Variants in MTUS2 observed in about 807,000 individuals in gnomAD.
The protein encoded by MTUS2 is microtubule-associated tumor suppressor candidate 2.
In MTUS2, 40 loss-of-function variants were observed where a neutral mutation model predicts 114.1. The observed-to-expected ratio is 0.35, with a 90% CI of 0.27 to 0.46. MTUS2 has a LOEUF of 0.46. MTUS2 is among the 20% of genes least tolerant of loss of function. The probability of loss-of-function intolerance (pLI) is 1.00; values close to 1 mark genes in which losing one functional copy is unlikely to be tolerated. For missense variants in MTUS2, 1,679 were observed against 1,705.4 expected (o/e 0.98, Z 0.27); for synonymous variants, 688 against 672.0 (o/e 1.02, Z -0.37).
chr13:29,001,086 AT>A (rs1353603117), intron 2 of MTUS2, among the ~76,000 whole-genome samples: 1 of 152,162 alleles, frequency 6.6e-6, no homozygotes, highest in Admixed American at 6.5e-5. Context: ...CACAGTCATT[AT>A]TCAGGCCACA....
At chr13:29,328,392 A>C (rs1900618889) in intron 7 of MTUS2, among the ~76,000 whole-genome samples, 1 of 152,252 alleles carries the variant, frequency 6.6e-6, no homozygotes, top group Non-Finnish European at 1.5e-5. Flanking sequence ...ATCATAAATC[A>C]ATATGAGGAA....
At chr13:29,067,539 G>A (rs1888718231) in intron 4 of MTUS2, among the ~76,000 whole-genome samples, 3 of 152,202 alleles carry the variant, frequency 2.0e-5, no homozygotes, top group Admixed American at 1.3e-4. Context: ...GGGAGTGGAA[G>A]TCACATATTA....
At chr13:29,184,672 TG>T (rs1361581977) in intron 5 of MTUS2, among the ~76,000 whole-genome samples, 1 of 152,150 alleles carries the variant, frequency 6.6e-6, no homozygotes, top group East Asian at 1.9e-4. Context: ...GTAAGCTAAT[TG>T]GGCACAGACG....
chr13:29,297,243 A>G (rs889372825), intron 6 of MTUS2, among the ~76,000 whole-genome samples: 4 of 152,184 alleles, frequency 2.6e-5, no homozygotes, highest in Admixed American at 6.5e-5. Flanking sequence ...TCTTACATGT[A>G]ATATTCTGTT....
chr13:28,944,205 ATCTTT>A (rs1244460614), intron 2 of MTUS2, among the ~76,000 whole-genome samples: 2 of 152,112 alleles, frequency 1.3e-5, no homozygotes, highest in East Asian at 3.8e-4. Context: ...TTAAATATTT[ATCTTT>A]TCTTTATGCT....
In MTUS2 at chr13:29,025,287, C is replaced by A; in HGVS notation, c.589C>A (p.Pro197Thr). 3 of 1,613,994 alleles carry A rather than the reference C, an allele frequency of 1.9e-6. No homozygotes were observed. The South Asian group carries it at 3.3e-5, about 18-fold the overall frequency. ...GAGCCTGACTCCGCAGCATCCACAGCCTCTATCCCTCGACTCCCGGGAAGC... is the reference window on the plus strand; with the variant it reads ...GAGCCTGACTCCGCAGCATCCACAGACTCTATCCCTCGACTCCCGGGAAGC... ...VGSLTPQHPQPLSLDSREARG... is the reference protein window; with the variant it reads ...VGSLTPQHPQTLSLDSREARG... The change falls in exon 3 of 16, where the codon CCT (proline) becomes ACT (threonine). Residue 197 changes from proline (P) to threonine (T), a missense_variant. By Grantham distance (38) the Pro-to-Thr change is conservative. Around this residue, in one of 3 missense-constraint regions of MTUS2, gnomAD observed 843 missense variants for 770.8 expected, o/e 1.09. Coordinates refer to ENST00000612955, the MANE Select transcript of MTUS2 (RefSeq NM_001033602.4).
intron 8 of MTUS2, among the ~76,000 whole-genome samples, chr13:29,375,527 A>AT (rs374435751): frequency 0.024 from 129 of 5,446 alleles, 7 homozygotes; most frequent in Middle Eastern, 0.12. Context: ...ATATATATAT[A>AT]TATATATATA....
At chr13:29,389,439 A>ATGTATGTATACACGTGTG in intron 8 of MTUS2, among the ~76,000 whole-genome samples, 1 of 79,438 alleles carries the variant, frequency 1.3e-5, no homozygotes, top group South Asian at 4.7e-4. Context: ...ACGTGTGTGT[A>ATGTATGTATACACGTGTG]TGTGTATGTA....
chr13:28,999,989 A>G (rs1159836670), intron 2 of MTUS2, among the ~76,000 whole-genome samples: 2 of 152,210 alleles, frequency 1.3e-5, no homozygotes, highest in South Asian at 2.1e-4. Context: ...TCCATTGTGT[A>G]TATCTACCAC....
intron 8 of MTUS2, among the ~76,000 whole-genome samples, chr13:29,373,691 C>T (rs1334810986): frequency 6.6e-6 from 1 of 152,220 alleles, no homozygotes; most frequent in Non-Finnish European, 1.5e-5. Flanking sequence ...GGAAGCACAA[C>T]TTACAGAAGG....
chr13:29,130,352 C>T (rs368459904), intron 5 of MTUS2, among the ~76,000 whole-genome samples: 19 of 152,100 alleles, frequency 1.2e-4, no homozygotes, highest in African/African-American at 4.3e-4. Context: ...TCACTCTGCT[C>T]AAGCCACTCC....
At position 29,496,582 on chromosome 13, in the gene MTUS2, G is replaced by C. The variant is rs936893553; in HGVS notation, c.3580-656G>C. 1 of 152,900 alleles carries C rather than the reference G, an allele frequency of 6.5e-6. No individual in the cohort carries two copies. Among genetic ancestry groups the C allele is most frequent in the Non-Finnish European group, 1.5e-5 (1 of 68,442 alleles). 9.5% of individuals were successfully genotyped at this position (152,900 alleles called of 1,614,324 possible). A position where few individuals can be genotyped will look rare whatever the true frequency, so the allele number is the denominator to read the frequency against. ...AGGAGATAGGGGAAGGACAGGTTCCGGTTTGCACATTAGAAAGAGTGCCTG... is the reference window on the plus strand; with the variant it reads ...AGGAGATAGGGGAAGGACAGGTTCCCGTTTGCACATTAGAAAGAGTGCCTG... On this transcript the variant is annotated intron_variant, in intron 12 of 15. Coordinates refer to ENST00000612955, the MANE Select transcript of MTUS2 (RefSeq NM_001033602.4). The surrounding 1 kb of genome is among the most constrained non-coding windows in gnomAD (Gnocchi z 4.3).
At chr13:28,828,945 T>G (rs1352908693) in intron 1 of MTUS2, among the ~76,000 whole-genome samples, 1 of 152,202 alleles carries the variant, frequency 6.6e-6, no homozygotes, top group Non-Finnish European at 1.5e-5. Context: ...TTAATTTTGA[T>G]TTCCTAAAAA....
chr13:29,009,459 G>T (rs1021724748), intron 2 of MTUS2, among the ~76,000 whole-genome samples: 2 of 151,960 alleles, frequency 1.3e-5, no homozygotes, highest in African/African-American at 4.8e-5. Flanking sequence ...AAAAATGAAA[G>T]AAGCCAGACT....
intron 2 of MTUS2, among the ~76,000 whole-genome samples, chr13:28,941,054 T>C (rs1460526238): frequency 1.5e-5 from 2 of 132,824 alleles, no homozygotes; most frequent in East Asian, 2.2e-4. Flanking sequence ...AGGTAACTAA[T>C]AGATTACTAC....
chr13:29,184,488 C>A (rs1192719685), intron 5 of MTUS2, among the ~76,000 whole-genome samples: 1 of 152,324 alleles, frequency 6.6e-6, no homozygotes, highest in Middle Eastern at 3.4e-3. Context: ...GCTCTCACTT[C>A]TATCCAAACT....
chr13:29,003,314 C>A (rs909644137), intron 2 of MTUS2, among the ~76,000 whole-genome samples: 2 of 152,200 alleles, frequency 1.3e-5, no homozygotes, highest in African/African-American at 2.4e-5. Flanking sequence ...ACAGATAGAT[C>A]AAGTAACCAG....
rs1431407481 is a variant in MTUS2 at position 29,359,310 on chromosome 13, A to C, written c.2954A>C (p.Lys985Thr). The change falls in exon 8 of 16, where the codon AAG becomes ACG. Residue 985 changes from lysine to threonine, a missense_variant. Lys to Thr is a moderately conservative substitution (Grantham distance 78). Around this residue, in one of 3 missense-constraint regions of MTUS2, gnomAD observed 822 missense variants for 899.7 expected, o/e 0.91. Coordinates refer to ENST00000612955, the MANE Select transcript of MTUS2 (RefSeq NM_001033602.4). The stretch of plus-strand genomic sequence containing the variant: ...GCAGCTCGAAATGGGTTTCCGCCCA[A>C]GCCGGACCCGCAGGCCCGTGAGGCT... ...TAAARNGFPPKPDPQAREAER... is the reference protein window; with the variant it reads ...TAAARNGFPPTPDPQAREAER... 6.2e-7 allele frequency: 1 copy of C among 1,609,590 alleles called. No individual in the cohort carries two copies. The highest frequency in any genetic ancestry group is 1.1e-5 in the South Asian group (1 of 90,112).
At chr13:29,254,876 C>G (rs993590294) in intron 5 of MTUS2, among the ~76,000 whole-genome samples, 1 of 152,198 alleles carries the variant, frequency 6.6e-6, no homozygotes, top group African/African-American at 2.4e-5. Flanking sequence ...TAGTAATCAA[C>G]TCTACACAGA....
Sources: gnomAD v4.1 joint callset for allele counts (sites outside exome capture counted in the v4.1 genomes callset) on GRCh38, gnomAD v4.1.1 for gene constraint, gnomAD v4.1.1 regional missense constraint, Gnocchi (gnomAD v3.1) non-coding constraint, MANE v1.5 for transcripts, NCBI Gene and HGNC (gene_info 2026-07-23, HGNC 2026-07-21) for gene names.